The following TRAPPC10 variants were observed in gnomAD, a reference collection of about 807,000 sequenced individuals.
TRAPPC10 encodes TRAPP 130 kDa subunit.
A neutral mutation model predicts 125.5 loss-of-function variants in TRAPPC10; 23 were observed. The ratio of observed to expected loss-of-function variants is 0.18; its 90% CI spans 0.13 to 0.26. The LOEUF is 0.26. Among genes scored for constraint, TRAPPC10 ranks in the 10% least tolerant of loss-of-function variants. TRAPPC10 has a pLI of 1.00. For missense variants in TRAPPC10, 1,123 were observed against 1,308.4 expected (o/e 0.86, Z 2.19); for synonymous variants, 509 against 518.0 (o/e 0.98, Z 0.24).
At chr21:44,060,113 C>T (rs564994881) in intron 6 of TRAPPC10, 5 of 152,586 alleles carry the variant, frequency 3.3e-5, no homozygotes, top group African/African-American at 1.2e-4. Flanking sequence ...CTCTGGAACT[C>T]ATCAGTGGCG....
chr21:44,055,622 A>C, intron 4 of TRAPPC10, 76 bp from the exon 5 acceptor site: 1 of 1,209,366 alleles, frequency 8.3e-7, no homozygotes, highest in Non-Finnish European at 1.1e-6. Flanking sequence ...ATTGCCGCTC[A>C]GGACAATGGC....
chr21:44,022,878 C>T (rs1055973110), intron 1 of TRAPPC10, among the ~76,000 whole-genome samples: 5 of 151,806 alleles, frequency 3.3e-5, no homozygotes, highest in African/African-American at 9.7e-5. Context: ...GATTTTTTGT[C>T]GGCAGGACTT....
At chr21:44,017,080 A>G (rs1463400519) in intron 1 of TRAPPC10, among the ~76,000 whole-genome samples, 2 of 152,254 alleles carry the variant, frequency 1.3e-5, no homozygotes, top group Non-Finnish European at 2.9e-5. Context: ...TAAATGGGTG[A>G]ATATGTTATA....
intron 3 of TRAPPC10, among the ~76,000 whole-genome samples, chr21:44,047,230 T>G (rs991764220): frequency 3.3e-5 from 5 of 152,222 alleles, no homozygotes; most frequent in African/African-American, 1.2e-4. Flanking sequence ...TCACCCAGGC[T>G]GGAGTGCAGT....
At chr21:44,073,159 T>C (rs576771538) in intron 7 of TRAPPC10, among the ~76,000 whole-genome samples, 4 of 152,358 alleles carry the variant, frequency 2.6e-5, no homozygotes, top group African/African-American at 9.6e-5. Context: ...CTTATCTTAT[T>C]TTTCAGAAGT....
intron 3 of TRAPPC10, chr21:44,046,711 T>A: frequency 5.9e-6 from 2 of 337,618 alleles, no homozygotes; most frequent in South Asian, 7.9e-5. Flanking sequence ...TTTCTCCATG[T>A]TGGTCAGGCT....
In TRAPPC10 at chr21:44,075,087, A is replaced by T; in HGVS notation, c.1234A>T (p.Asn412Tyr). The T allele has an allele frequency of 1.2e-6, 2 of 1,614,230 alleles. No individual in the cohort carries two copies. Among genetic ancestry groups the T allele is most frequent in the Non-Finnish European group, 1.7e-6 (2 of 1,180,014 alleles). Reference protein sequence around the residue: ...LCGLVSEKGPNSEDLNRTVDL... With the variant: ...LCGLVSEKGPYSEDLNRTVDL... ...TGGACTTGTGTCAGAGAAAGGACCT[A>T]ACTCAGAAGATCTCAACAGGACAGT... The change falls in exon 9 of 23, where the codon AAC becomes TAC. Residue 412 changes from asparagine (N) to tyrosine (Y), a missense_variant. Physicochemically the swap from Asn to Tyr is moderately radical, Grantham distance 143. Coordinates refer to ENST00000291574, the MANE Select transcript of TRAPPC10 (RefSeq NM_003274.5).
intron 18 of TRAPPC10, among the ~76,000 whole-genome samples, chr21:44,091,433 T>A (rs529471178): frequency 2.6e-5 from 4 of 152,228 alleles, no homozygotes; most frequent in East Asian, 1.9e-4. Flanking sequence ...AAACTTTTTT[T>A]ATTTATTTTT....
At chr21:44,056,245 G>A (rs888958125) in intron 5 of TRAPPC10, among the ~76,000 whole-genome samples, 2 of 152,302 alleles carry the variant, frequency 1.3e-5, no homozygotes, top group African/African-American at 4.8e-5. Context: ...AAATGGAGGA[G>A]AAGGGTCAAC....
chr21:44,083,913 C>T (rs915878), intron 14 of TRAPPC10, among the ~76,000 whole-genome samples: 48,620 of 152,130 alleles, frequency 0.32, 10,625 homozygotes, highest in African/African-American at 0.62. Context: ...ATTTAAGCAT[C>T]AGTTACTCAG....
chr21:44,043,166 T>C (rs1208842144), intron 3 of TRAPPC10, among the ~76,000 whole-genome samples: 3 of 151,782 alleles, frequency 2.0e-5, no homozygotes, highest in African/African-American at 7.3e-5. Context: ...GTTCTATTGA[T>C]CATTGTCTAT....
At chr21:44,066,892 C>G (rs971944652) in intron 7 of TRAPPC10, among the ~76,000 whole-genome samples, 17 of 152,174 alleles carry the variant, frequency 1.1e-4, no homozygotes, top group African/African-American at 2.7e-4. Flanking sequence ...GCTAGTGATG[C>G]CTGTTTTCCT....
At position 44,080,125 on chromosome 21, in the gene TRAPPC10, C is replaced by G. The variant is rs550389127; in HGVS notation, c.1721C>G (p.Pro574Arg). The G allele has an allele frequency of 6.2e-6, 10 of 1,612,314 alleles. No individual in the cohort carries two copies. The highest frequency in any genetic ancestry group is 8.5e-6 in the Non-Finnish European group (10 of 1,178,462). The change falls in exon 13 of 23, where the codon CCA becomes CGA. Residue 574 changes from proline to arginine, a missense_variant and splice_region_variant. By Grantham distance (103) the Pro-to-Arg change is moderately radical (BLOSUM62 -2). Around this residue, in one of 4 missense-constraint regions of TRAPPC10, gnomAD observed 840 missense variants for 902.0 expected, o/e 0.93. Coordinates refer to ENST00000291574, the MANE Select transcript of TRAPPC10 (RefSeq NM_003274.5). Reference protein sequence around the residue: ...LDFASQPSDSPGHKIVLPMHS... With the variant: ...LDFASQPSDSRGHKIVLPMHS... ...TTTGCCAGCCAGCCGTCAGACAGCCCAGGTAAGACCAGTTCTTACAACTTG... is the reference window on the plus strand; with the variant it reads ...TTTGCCAGCCAGCCGTCAGACAGCCGAGGTAAGACCAGTTCTTACAACTTG...
At chr21:44,024,935 C>G (rs1219612607) in intron 1 of TRAPPC10, among the ~76,000 whole-genome samples, 1 of 152,212 alleles carries the variant, frequency 6.6e-6, no homozygotes, top group Non-Finnish European at 1.5e-5. Flanking sequence ...TTAGACATTG[C>G]CAGCTGCACA....
chr21:44,023,638 G>A (rs1194648711), intron 1 of TRAPPC10, among the ~76,000 whole-genome samples: 1 of 152,184 alleles, frequency 6.6e-6, no homozygotes, highest in Non-Finnish European at 1.5e-5. Context: ...CTTAGCAATT[G>A]CCAAGGAGCC....
chr21:44,031,005 A>G (rs1218528856), intron 1 of TRAPPC10, among the ~76,000 whole-genome samples: 1 of 152,110 alleles, frequency 6.6e-6, no homozygotes, highest in Non-Finnish European at 1.5e-5. Flanking sequence ...AGGAAGGTTA[A>G]ATGATCTCCC....
At position 44,084,144 on chromosome 21, in the gene TRAPPC10, C is replaced by T; in HGVS notation, c.2261C>T (p.Thr754Ile). Residue 754 changes from threonine to isoleucine, a missense_variant, in exon 15 of 23, where the codon ACA (threonine) becomes ATA (isoleucine). Physicochemically the swap from Thr to Ile is moderately conservative, Grantham distance 89. Coordinates refer to ENST00000291574, the MANE Select transcript of TRAPPC10 (RefSeq NM_003274.5). ...RTQAKEPGTYTLRQLCASVGS... is the reference protein window; with the variant it reads ...RTQAKEPGTYILRQLCASVGS... ...TAGGCCAAGGAACCTGGAACGTATA[C>T]ACTCAGGCAGCTGTGCGCCTCGGTG... 1 of 1,614,236 alleles carries T rather than the reference C, an allele frequency of 6.2e-7. No homozygotes were observed. The highest frequency in any genetic ancestry group is 8.5e-7 in the Non-Finnish European group (1 of 1,180,044).
chr21:44,086,067 A>G (rs951703117), intron 15 of TRAPPC10, among the ~76,000 whole-genome samples: 2 of 152,204 alleles, frequency 1.3e-5, no homozygotes, highest in African/African-American at 2.4e-5. Context: ...TGATTCTTCC[A>G]TTGGAACATT....
chr21:44,066,588 G>A (rs940621367), intron 7 of TRAPPC10, among the ~76,000 whole-genome samples: 2 of 152,046 alleles, frequency 1.3e-5, no homozygotes, highest in African/African-American at 4.8e-5. Flanking sequence ...TGTAAATTTG[G>A]AAAATAACAG....
Sources: allele counts gnomAD v4.1 joint callset (sites outside exome capture counted in the v4.1 genomes callset), GRCh38; gene constraint gnomAD v4.1.1; regional missense constraint gnomAD v4.1.1; transcripts MANE v1.5; gene names NCBI Gene and HGNC (gene_info 2026-07-23, HGNC 2026-07-21).